UMAD1: variants seen among roughly 807,000 people sequenced by gnomAD.
UMAD1 encodes UBAP1-MVB12-associated (UMA)-domain containing protein 1.
In UMAD1, 8 loss-of-function variants were observed where a neutral mutation model predicts 6.1. The observed-to-expected ratio is 1.30, with a 90% CI of 0.76 to 2.35. UMAD1 has a LOEUF of 2.35. Among genes scored for constraint, UMAD1 ranks in the 30% most tolerant of loss-of-function variants. UMAD1 has a pLI of 0.00. For missense variants in UMAD1, 130 were observed against 78.4 expected (o/e 1.66, Z -2.49); for synonymous variants, 56 against 31.4 (o/e 1.78, Z -2.61).
intron 2 of UMAD1, among the ~76,000 whole-genome samples, chr7:7,778,263 T>TGA (rs1342531151): frequency 2.5e-4 from 34 of 135,864 alleles, no homozygotes; most frequent in East Asian, 1.0e-3. Flanking sequence ...TGTGTGTGTG[T>TGA]GTGTGTGTGT....
chr7:7,723,050 G>A (rs1198045929), intron 2 of UMAD1, among the ~76,000 whole-genome samples: 1 of 149,872 alleles, frequency 6.7e-6, no homozygotes, highest in East Asian at 2.0e-4. Context: ...CCCCTGAGCA[G>A]TTGCCAGGCA....
intron 2 of UMAD1, among the ~76,000 whole-genome samples, chr7:7,694,327 G>T (rs1338265716): frequency 1.3e-5 from 2 of 152,016 alleles, no homozygotes; most frequent in African/African-American, 2.4e-5. Flanking sequence ...TCACATCAGG[G>T]TAAATGGGAT....
chr7:7,688,597 A>G (rs573243736), intron 2 of UMAD1, among the ~76,000 whole-genome samples: 1 of 152,268 alleles, frequency 6.6e-6, no homozygotes, highest in South Asian at 2.1e-4. Context: ...GTTTCTAGAT[A>G]GCTCTCTTTT....
At chr7:7,654,918 A>T (rs993887585) in intron 1 of UMAD1, among the ~76,000 whole-genome samples, 16 of 148,618 alleles carry the variant, frequency 1.1e-4, no homozygotes, top group African/African-American at 3.9e-4. Context: ...AAAAAAAAAA[A>T]TTTGTGATAT....
chr7:7,804,861 G>A (rs1055988006), intron 3 of UMAD1, among the ~76,000 whole-genome samples: 15 of 147,274 alleles, frequency 1.0e-4, no homozygotes, highest in African/African-American at 1.0e-4. Flanking sequence ...TGCGCCTGTA[G>A]TCCCAGCTGC....
chr7:7,724,669 A>C (rs1054351813), intron 2 of UMAD1, among the ~76,000 whole-genome samples: 2 of 152,184 alleles, frequency 1.3e-5, no homozygotes, highest in Admixed American at 1.3e-4. Context: ...ATGACAGTGG[A>C]TTATTGTAAG....
At chr7:7,758,542 C>G (rs200014175) in intron 2 of UMAD1, among the ~76,000 whole-genome samples, 1 of 152,140 alleles carries the variant, frequency 6.6e-6, no homozygotes, top group African/African-American at 2.4e-5. Context: ...GAAGCTGCCT[C>G]TGCACCTTCA....
At chr7:7,771,103 G>T (rs1454854298) in intron 2 of UMAD1, among the ~76,000 whole-genome samples, 11 of 149,918 alleles carry the variant, frequency 7.3e-5, no homozygotes, top group African/African-American at 2.7e-4. Flanking sequence ...GTAAATTTTT[G>T]TTAGATGGAG....
At chr7:7,763,043 A>G (rs1781921894) in intron 2 of UMAD1, among the ~76,000 whole-genome samples, 3 of 152,184 alleles carry the variant, frequency 2.0e-5, no homozygotes, top group African/African-American at 7.2e-5. Context: ...TTTAGGAAAT[A>G]AATATCCTGA....
At chr7:7,656,012 T>A (rs954323393) in intron 1 of UMAD1, among the ~76,000 whole-genome samples, 3 of 152,138 alleles carry the variant, frequency 2.0e-5, no homozygotes, top group African/African-American at 7.2e-5. Context: ...ATTTTGTATT[T>A]TTAGTAGAGA....
chr7:7,835,500 T>TTTTTTTTA (rs776524699), intron 3 of UMAD1, among the ~76,000 whole-genome samples: 3 of 102,444 alleles, frequency 2.9e-5, no homozygotes, highest in Admixed American at 1.1e-4. Context: ...TTTTTTTTTT[T>TTTTTTTTA]AGCTCTTAGC....
intron 2 of UMAD1, among the ~76,000 whole-genome samples, chr7:7,713,200 T>C (rs1583765099): frequency 6.6e-6 from 1 of 151,328 alleles, no homozygotes; most frequent in South Asian, 2.1e-4. Flanking sequence ...AAAAATTAGC[T>C]GGGCATGGTG....
chr7:7,648,590 C>G (rs1000690480), intron 1 of UMAD1, among the ~76,000 whole-genome samples: 5 of 152,136 alleles, frequency 3.3e-5, no homozygotes, highest in African/African-American at 4.8e-5. Flanking sequence ...TTGGCTCACT[C>G]CTGTAATCCC....
intron 2 of UMAD1, among the ~76,000 whole-genome samples, chr7:7,782,219 T>A (rs1263906960): frequency 1.3e-5 from 2 of 150,420 alleles, no homozygotes; most frequent in Non-Finnish European, 1.5e-5. Flanking sequence ...TAAATACTAA[T>A]GGAAAATAAA....
intron 3 of UMAD1, among the ~76,000 whole-genome samples, chr7:7,837,909 G>A (rs976143600): frequency 6.6e-6 from 1 of 152,108 alleles, no homozygotes; most frequent in East Asian, 1.9e-4. Context: ...TAGGTGGAAT[G>A]AACTTTAAGG....
At chr7:7,660,966 A>G (rs963587437) in intron 1 of UMAD1, among the ~76,000 whole-genome samples, 1 of 151,420 alleles carries the variant, frequency 6.6e-6, no homozygotes, top group African/African-American at 2.4e-5. Context: ...GTCTTTTCAC[A>G]TAGTCCCATA....
chr7:7,827,445 G>A (rs1465929036), intron 3 of UMAD1, among the ~76,000 whole-genome samples: 2 of 151,778 alleles, frequency 1.3e-5, no homozygotes, highest in African/African-American at 4.8e-5. Context: ...CTATATCTCT[G>A]ATATATTCTT....
intron 2 of UMAD1, chr7:7,685,972 C>G (rs1260282700): frequency 6.6e-6 from 1 of 152,196 alleles, no homozygotes; most frequent in African/African-American, 2.4e-5. Context: ...GTTAGGGATG[C>G]TCCAGATTCC....
At position 7,813,448 on chromosome 7, in the gene UMAD1, C is replaced by A. The variant is rs540343719; in HGVS notation, c.156+11705C>A. Among the ~76,000 whole-genome samples the A allele has an allele frequency of 6.2e-4, 95 of 152,284 alleles. No individual in the cohort carries two copies. The Middle Eastern group carries it at 0.014, about 22-fold the overall frequency. ...CTCGAACTCCTGACCTCATGATCCG[C>A]CTGCCTTGGCCTCCCAAAGTGCTGG... On this transcript the variant is annotated intron_variant, in intron 3 of 3. Transcript: ENST00000682710.
Sources: allele counts gnomAD v4.1 joint callset (sites outside exome capture counted in the v4.1 genomes callset), GRCh38; gene constraint gnomAD v4.1.1; transcripts MANE v1.5; gene names NCBI Gene and HGNC (gene_info 2026-07-23, HGNC 2026-07-21).